NEB: variants seen among roughly 807,000 people sequenced by gnomAD.
The protein encoded by NEB is nemaline myopathy type 2.
In NEB, 512 loss-of-function variants were observed where a neutral mutation model predicts 952.2. The observed-to-expected ratio is 0.54, with a 90% CI of 0.50 to 0.58. The LOEUF is 0.58. Ranked by LOEUF, NEB falls within the 20% of genes least tolerant of loss-of-function variation. NEB has a pLI of 0.00. For missense variants in NEB, 8,428 were observed against 9,231.1 expected, an observed-to-expected ratio of 0.91 and a Z score of 3.56; for synonymous variants, 2,900 against 3,149.8, an observed-to-expected ratio of 0.92 and a Z score of 2.66.
At chr2:151,679,663 C>A in intron 32 of NEB, 58 bp downstream of exon 32, 8 of 602,524 alleles carry the variant, frequency 1.3e-5, no homozygotes, top group South Asian at 5.0e-5. Flanking sequence ...ATCGTCAGAC[C>A]CCAAGCCCAC....
chr2:151,639,267 A>T lies in NEB; in HGVS notation c.8994+13T>A. ...AAGCAGCAGTGTGCAAATGTCAAAG[A>T]ATCTGCTCTCACCTCACTGTAGTTG... On this transcript the variant is annotated intron_variant, in intron 63 of 181. Coordinates refer to ENST00000397345, the MANE Select transcript of NEB (RefSeq NM_001164508.2). 6.6e-7 allele frequency: 1 copy of T among 1,520,832 alleles called. No homozygotes were observed. Among genetic ancestry groups the T allele is most frequent in the Non-Finnish European group, 8.8e-7 (1 of 1,130,044 alleles). The allele number at this position is 1,520,832 out of a possible 1,614,324, so 94.2% of individuals were successfully genotyped here. A position where few individuals can be genotyped will look rare whatever the true frequency, so the allele number is the denominator to read the frequency against.
chr2:151,612,571 G>C (rs1488074235), intron 77 of NEB, among the ~76,000 whole-genome samples, 182 bp from the exon 78 acceptor site: 1 of 152,172 alleles, frequency 6.6e-6, no homozygotes, highest in Non-Finnish European at 1.5e-5. Context: ...GCTCCTGAAG[G>C]TAGCCAATAT....
At position 151,526,953 on chromosome 2, in the gene NEB, C is replaced by T. The variant is rs755660001; in HGVS notation, c.21910G>A (p.Val7304Met). 2 of 1,603,046 alleles carry T rather than the reference C, an allele frequency of 1.2e-6. No individual in the cohort carries two copies. Among genetic ancestry groups the T allele is most frequent in the Admixed American group, 1.7e-5 (1 of 58,900 alleles). Residue 7304 changes from valine to methionine, a missense_variant, in exon 148 of 182, where the codon GTG becomes ATG. By Grantham distance (21) the Val-to-Met change is conservative. Around this residue, in one of 11 missense-constraint regions of NEB, gnomAD observed 3,374 missense variants for 3,651.5 expected, o/e 0.92. Transcript: ENST00000397345. ...KLSVTDDKNT[V>M]LALRNTLIES... ...ATTAAAGTATTCCTGAGGGCGAGCACCGTGTTTTTGTCATCAGTGACAGAA... is the reference window on the plus strand; with the variant it reads ...ATTAAAGTATTCCTGAGGGCGAGCATCGTGTTTTTGTCATCAGTGACAGAA...
At chr2:151,729,198 C>T (rs2099799679) in intron 4 of NEB, among the ~76,000 whole-genome samples, 1 of 152,134 alleles carries the variant, frequency 6.6e-6, no homozygotes, top group African/African-American at 2.4e-5. Flanking sequence ...TCCCTGGTGG[C>T]AGAGATGGTG....
intron 5 of NEB, among the ~76,000 whole-genome samples, chr2:151,726,172 G>C (rs2099789883): frequency 6.6e-6 from 1 of 152,072 alleles, no homozygotes; most frequent in African/African-American, 2.4e-5. Context: ...TATTGATTTG[G>C]TTACTAACCA....
At chr2:151,725,382 A>C (rs2099787389) in intron 6 of NEB, 71 bp downstream of exon 6, 1 of 1,235,852 alleles carries the variant, frequency 8.1e-7, no homozygotes, top group Non-Finnish European at 1.2e-6. Context: ...GCACATATTT[A>C]GAGCCCACAA....
chr2:151,698,656 G>A (rs1199555205), intron 13 of NEB, among the ~76,000 whole-genome samples: 1 of 49,796 alleles, frequency 2.0e-5, no homozygotes, highest in African/African-American at 8.5e-5. Flanking sequence ...TTTTTTTTTT[G>A]AGATGGAGTC....
Position 151,485,389 on chromosome 2 carries a change from T to G in NEB, c.*371A>C, listed in dbSNP as rs2049585210. Reference sequence around the variant, plus strand: ...TGCTGGTTTGTATTGATTATAAGTTTATAACTTCAGAACTGAATTAGAAAT... The same window carrying G: ...TGCTGGTTTGTATTGATTATAAGTTGATAACTTCAGAACTGAATTAGAAAT... On this transcript the variant is annotated 3_prime_UTR_variant, in exon 182 of 182. Coordinates refer to ENST00000397345, the MANE Select transcript of NEB (RefSeq NM_001164508.2). The G allele has an allele frequency of 6.1e-6, 1 of 163,688 alleles. No individual in the cohort carries two copies. The highest frequency in any genetic ancestry group is 2.4e-5 in the African/African-American group (1 of 41,954). 10.1% of individuals were successfully genotyped at this position (163,688 alleles called of 1,614,324 possible).
chr2:151,644,275 C>T (rs1254552775), intron 56 of NEB, 146 bp from the exon 57 acceptor site: 3 of 1,251,546 alleles, frequency 2.4e-6, no homozygotes, highest in Admixed American at 2.5e-5. Flanking sequence ...AGATTAAAGG[C>T]TAAATTCAGC....
At chr2:151,631,047 C>A in intron 66 of NEB, 96 bp downstream of exon 66, 2 of 1,491,190 alleles carry the variant, frequency 1.3e-6, no homozygotes, top group South Asian at 2.5e-5. Context: ...AAAAATGCGA[C>A]CCCACGCCTT....
chr2:151,577,443 A>C (rs1462976376), intron 105 of NEB, among the ~76,000 whole-genome samples: 1 of 152,166 alleles, frequency 6.6e-6, no homozygotes, highest in Non-Finnish European at 1.5e-5. Flanking sequence ...TCTCTGTAAA[A>C]TCAGTGCCTT....
At chr2:151,720,269 G>A (rs2099770621) in intron 9 of NEB, among the ~76,000 whole-genome samples, 1 of 152,228 alleles carries the variant, frequency 6.6e-6, no homozygotes, top group African/African-American at 2.4e-5. Flanking sequence ...TAGTACAGGA[G>A]AGATAGCAAC....
intron 3 of NEB, 30 bp from the exon 4 acceptor site, chr2:151,729,686 G>C: frequency 6.2e-7 from 1 of 1,611,450 alleles, no homozygotes; most frequent in Middle Eastern, 1.7e-4. Flanking sequence ...GCATTGGCAA[G>C]AGAACCAAAG....
At chr2:151,527,237 G>C (rs551346638) in intron 147 of NEB, among the ~76,000 whole-genome samples, 6 of 151,186 alleles carry the variant, frequency 4.0e-5, no homozygotes, top group Admixed American at 3.9e-4. Flanking sequence ...TCTTCCCCCA[G>C]ACTCTCCCCA....
chr2:151,672,228 C>T, intron 37 of NEB, 141 bp downstream of exon 37: 1 of 797,892 alleles, frequency 1.3e-6, no homozygotes, highest in Non-Finnish European at 1.9e-6. Flanking sequence ...TCTACCATGC[C>T]TTTGGTAGTC....
rs141449286 is a variant in NEB, at chr2:151,485,905, A to G, written c.25433T>C (p.Met8478Thr). The G allele has an allele frequency of 6.2e-6, 10 of 1,613,948 alleles. No homozygotes were observed. The Admixed American group carries it at 8.3e-5, about 13-fold the overall frequency. Residue 8478 changes from methionine (M) to threonine (T), a missense_variant, in exon 182 of 182, where the codon ATG (methionine) becomes ACG (threonine). This residue lies in a region of NEB where 3,374 missense variants were observed against 3,651.5 expected (regional missense o/e 0.92). Coordinates refer to ENST00000397345, the MANE Select transcript of NEB (RefSeq NM_001164508.2). Reference sequence around the variant, plus strand: ...GGACACCTCATCTGCATCAGCAGCCATATAGTCATACATGGCACGGAAGAT... The same window carrying G: ...GGACACCTCATCTGCATCAGCAGCCGTATAGTCATACATGGCACGGAAGAT... ...GKIFRAMYDY[M>T]AADADEVSFK...
chr2:151,605,230 G>A lies in NEB; in HGVS notation c.12748-359C>T, dbSNP rs576729161. ...TTCGGTCAAAAATCATTGACTGGTG[G>A]CAATTATGATCACAGTTCATCCTCA... On this transcript the variant is annotated intron_variant, in intron 84 of 181. Transcript: ENST00000397345. 3.1e-5 allele frequency among the ~76,000 whole-genome samples: 4 copies of A among 130,246 alleles called. No homozygotes were observed. In the South Asian group the frequency reaches 1.0e-3, roughly 32 times the overall value. The allele number at this position is 130,246 out of a possible 152,430, so 85.4% of individuals were successfully genotyped here.
chr2:151,682,799 T>C (rs772329790), intron 28 of NEB, 30 bp from the exon 29 acceptor site: 1 of 1,564,912 alleles, frequency 6.4e-7, no homozygotes, highest in Admixed American at 1.7e-5. Context: ...GTTACATTTC[T>C]TTGCTGTGTC....
At chr2:151,518,495 T>G in intron 155 of NEB, 73 bp from the exon 156 acceptor site, 2 of 943,106 alleles carry the variant, frequency 2.1e-6, no homozygotes, top group Non-Finnish European at 3.4e-6. Context: ...CTCTTTAGAT[T>G]AGACGTTTAC....
Sources: gnomAD v4.1 joint callset for allele counts (sites outside exome capture counted in the v4.1 genomes callset) on GRCh38, gnomAD v4.1.1 for gene constraint, gnomAD v4.1.1 regional missense constraint, MANE v1.5 for transcripts, NCBI Gene and HGNC (gene_info 2026-07-23, HGNC 2026-07-21) for gene names.